The following MYH8 variants were observed in gnomAD, a reference collection of about 807,000 sequenced individuals.
The protein encoded by MYH8 is myosin-8.
Under a neutral mutation model 233.2 loss-of-function variants are expected in MYH8, and 168 were observed. That is an observed-to-expected ratio of 0.72 (90% CI 0.64 to 0.82). The LOEUF is 0.82. Ranked by LOEUF, MYH8 falls within the 40% of genes least tolerant of loss-of-function variation. The pLI, the probability that MYH8 is intolerant of heterozygous loss-of-function variation, is 0.00. For synonymous variants in MYH8, 785 were observed against 850.6 expected (o/e 0.92, Z 1.34); for missense variants, 1,995 against 2,327.8 (o/e 0.86, Z 2.94).
At position 10,398,508 on chromosome 17, in the gene MYH8, C is replaced by T. The variant is rs1376516976; in HGVS notation, c.4114G>A (p.Ala1372Thr). 6.2e-7 allele frequency: 1 copy of T among 1,613,988 alleles called. No individual in the cohort carries two copies. The change falls in exon 30 of 40, where the codon GCC becomes ACC. Residue 1372 changes from alanine (A) to threonine (T), a missense_variant. Ala to Thr is a moderately conservative substitution (Grantham distance 58). Coordinates refer to ENST00000403437, the MANE Select transcript of MYH8 (RefSeq NM_002472.3). ...GTCTCGTATTTGGTTCTCCACTGGG[C>T]AACCTCACTGTTGGCCTTGGACAGC... Reference protein sequence around the residue: ...RALSKANSEVAQWRTKYETDA... With the variant: ...RALSKANSEVTQWRTKYETDA...
chr17:10,410,823 A>G lies in MYH8; in HGVS notation c.1541T>C (p.Ile514Thr). ...GGCAGCCAGGTCCATCCCAAAGTCA[A>G]TGAACGTCCACTCGATGCCTTCCTT... ...YKKEGIEWTF[I>T]DFGMDLAACI... Residue 514 changes from isoleucine (I) to threonine (T), a missense_variant, in exon 15 of 40, where the codon ATT (isoleucine) becomes ACT (threonine). This residue lies in a region of MYH8 where 18 missense variants were observed against 46.1 expected (regional missense o/e 0.39). Transcript: ENST00000403437. The G allele has an allele frequency of 6.2e-7, 1 of 1,613,942 alleles. No individual in the cohort carries two copies. The highest frequency in any genetic ancestry group is 8.5e-7 in the Non-Finnish European group (1 of 1,179,918).
At chr17:10,401,522 A>G (rs1343781697) in intron 23 of MYH8, 21 bp downstream of exon 23, 3 of 1,614,180 alleles carry the variant, frequency 1.9e-6, no homozygotes, top group Non-Finnish European at 2.5e-6. Context: ...TCTATACAGT[A>G]TTGTAAAATA....
chr17:10,406,547 G>T, intron 19 of MYH8, 143 bp downstream of exon 19: 1 of 1,379,494 alleles, frequency 7.2e-7, no homozygotes, highest in Non-Finnish European at 1.0e-6. Context: ...AAAACAATAT[G>T]ATTTTCTGTT....
intron 39 of MYH8, 45 bp from the exon 40 acceptor site, chr17:10,390,648 C>T: frequency 6.9e-6 from 11 of 1,598,096 alleles, no homozygotes; most frequent in Non-Finnish European, 9.4e-6. Context: ...GTGTGGTTCT[C>T]ATTGCACTTA....
chr17:10,393,270 A>G, intron 35 of MYH8, 60 bp from the exon 36 acceptor site: 1 of 1,607,970 alleles, frequency 6.2e-7, no homozygotes, highest in Admixed American at 1.7e-5. Context: ...GGGATTTTAC[A>G]AGTGTCTTAC....
intron 30 of MYH8, 80 bp from the exon 31 acceptor site, chr17:10,397,066 C>G: frequency 6.8e-7 from 1 of 1,460,726 alleles, no homozygotes; most frequent in African/African-American, 1.4e-5. Context: ...TTTTCACAGT[C>G]CTATTTCTTT....
At chr17:10,411,144 C>T (rs1300753779) in intron 14 of MYH8, among the ~76,000 whole-genome samples, 197 bp from the exon 15 acceptor site, 13 of 151,938 alleles carry the variant, frequency 8.6e-5, no homozygotes, top group African/African-American at 4.8e-5. Flanking sequence ...TGGGAGGCCG[C>T]GGTGGGTGGA....
Position 10,401,436 on chromosome 17 carries a change from C to T in MYH8, c.2947G>A (p.Glu983Lys). The change falls in exon 24 of 40, where the codon GAA (glutamate) becomes AAA (lysine). Residue 983 changes from glutamate to lysine, a missense_variant. Glu to Lys is a moderately conservative substitution (Grantham distance 56). This residue lies in a region of MYH8 where 1,498 missense variants were observed against 1,680.9 expected (regional missense o/e 0.89). Transcript: ENST00000403437. Reference protein sequence around the residue: ...ATENKVKNLTEEMAGLDETIA... With the variant: ...ATENKVKNLTKEMAGLDETIA... ...GTTTCATCCAGGCCTGCCATCTCTT[C>T]TGTAAGATTTTTCACCTACAAAGGT... 6.2e-7 allele frequency: 1 copy of T among 1,613,990 alleles called. No individual in the cohort carries two copies. The highest frequency in any genetic ancestry group is 8.5e-7 in the Non-Finnish European group (1 of 1,180,024).
chr17:10,391,735 G>A (rs1160999981), intron 39 of MYH8, 147 bp downstream of exon 39: 32 of 710,620 alleles, frequency 4.5e-5, no homozygotes, highest in African/African-American at 7.1e-5. Context: ...TGGATTTGGC[G>A]GGACAAATTC....
In MYH8 at chr17:10,415,833, T is replaced by C. The variant is rs1029486110; in HGVS notation, c.512-125A>G. ...TGAAGATGTCACCTTTGGTTTTGAT[T>C]TTGTGTTTATCCTCCAAAATAGCCA... On this transcript the variant is annotated intron_variant, in intron 5 of 39. Coordinates refer to ENST00000403437, the MANE Select transcript of MYH8 (RefSeq NM_002472.3). The surrounding 1 kb of genome is among the most constrained non-coding windows in gnomAD (Gnocchi z 4.1). 5 of 1,106,992 alleles carry C rather than the reference T, an allele frequency of 4.5e-6. No homozygotes were observed. The Admixed American group carries it at 1.0e-4, about 23-fold the overall frequency. 68.6% of individuals were successfully genotyped at this position (1,106,992 alleles called of 1,614,324 possible). A position where few individuals can be genotyped will look rare whatever the true frequency, so the allele number is the denominator to read the frequency against.
Position 10,396,232 on chromosome 17 carries a change from C to A in MYH8, c.4653+98G>T. 7.0e-7 allele frequency: 1 copy of A among 1,421,514 alleles called. No homozygotes were observed. The highest frequency in any genetic ancestry group is 9.7e-7 in the Non-Finnish European group (1 of 1,029,110). 88.1% of individuals were successfully genotyped at this position (1,421,514 alleles called of 1,614,324 possible). ...TGATAACTATTGCCAAGTTGTCCTT[C>A]ATAAAGATCCTGTGAGTTTAAATTA... On this transcript the variant is annotated intron_variant, in intron 33 of 39. Transcript: ENST00000403437. The surrounding 1 kb of genome is among the most constrained non-coding windows in gnomAD (Gnocchi z 4.2).
chr17:10,394,147 A>G, intron 35 of MYH8, 102 bp downstream of exon 35: 2 of 1,450,496 alleles, frequency 1.4e-6, no homozygotes, highest in Non-Finnish European at 1.9e-6. Context: ...TCCCCCATCC[A>G]TGTTTACATA....
intron 30 of MYH8, among the ~76,000 whole-genome samples, chr17:10,397,645 A>G (rs1047431497): frequency 6.6e-6 from 1 of 152,216 alleles, no homozygotes; most frequent in African/African-American, 2.4e-5. Context: ...AGCCAGGACA[A>G]TCTTGTTGTT....
chr17:10,390,751 TC>T (rs1201913175), intron 39 of MYH8, 148 bp from the exon 40 acceptor site: 3 of 931,462 alleles, frequency 3.2e-6, no homozygotes, highest in Non-Finnish European at 4.9e-6. Flanking sequence ...GTTTATAACT[TC>T]AACTACAATT....
rs2072283125 is a variant in MYH8 at position 10,415,585 on chromosome 17, C to G, written c.540-5G>C. On this transcript the variant is annotated splice_region_variant and splice_polypyrimidine_tract_variant and intron_variant, in intron 6 of 39. Coordinates refer to ENST00000403437, the MANE Select transcript of MYH8 (RefSeq NM_002472.3). This position sits in a 1 kb window ranked among gnomAD's most constrained non-coding sequence, Gnocchi z 4.1. The stretch of plus-strand genomic sequence containing the variant: ...TTTCCGGCACCAGATTCTCCGCTGT[C>G]AAACAGAAATCAGAGAAGAGATCAG... The G allele has an allele frequency of 1.2e-6, 2 of 1,614,108 alleles. No individual in the cohort carries two copies. Among genetic ancestry groups the G allele is most frequent in the East Asian group, 4.5e-5 (2 of 44,884 alleles).
At chr17:10,414,079 G>A in intron 11 of MYH8, 39 bp from the exon 12 acceptor site, 1 of 1,613,360 alleles carries the variant, frequency 6.2e-7, no homozygotes, top group Non-Finnish European at 8.5e-7. Flanking sequence ...TAGGGCTGAA[G>A]AGACTAACTT....
intron 14 of MYH8, among the ~76,000 whole-genome samples, chr17:10,411,607 ACCACTC>A (rs921425201): frequency 6.6e-6 from 1 of 152,166 alleles, no homozygotes; most frequent in African/African-American, 2.4e-5. Context: ...CACTTCTTTC[ACCACTC>A]CCACTCTCCA....
intron 22 of MYH8, among the ~76,000 whole-genome samples, chr17:10,402,685 T>C (rs2072154880): frequency 6.6e-6 from 1 of 152,128 alleles, no homozygotes; most frequent in South Asian, 2.1e-4. Context: ...GCAGATATCA[T>C]ATTTTAGCAT....
In MYH8 at chr17:10,415,768, A is replaced by C. The variant is rs539762180; in HGVS notation, c.512-60T>G. ...GCATATTTAATATGAAGAGTATTGA[A>C]TCAGTTCAGATCAAACACAGCTTGT... On this transcript the variant is annotated intron_variant, in intron 5 of 39. Transcript: ENST00000403437. This position sits in a 1 kb window ranked among gnomAD's most constrained non-coding sequence, Gnocchi z 4.1. 35 of 1,529,198 alleles carry C rather than the reference A, an allele frequency of 2.3e-5. 1 individual carries two copies. In the South Asian group the frequency reaches 3.9e-4, roughly 17 times the overall value. The allele number at this position is 1,529,198 out of a possible 1,614,324, so 94.7% of individuals were successfully genotyped here. A position where few individuals can be genotyped will look rare whatever the true frequency, so the allele number is the denominator to read the frequency against.
Sources: gnomAD v4.1 joint callset for allele counts (sites outside exome capture counted in the v4.1 genomes callset) on GRCh38, gnomAD v4.1.1 for gene constraint, gnomAD v4.1.1 regional missense constraint, Gnocchi (gnomAD v3.1) non-coding constraint, MANE v1.5 for transcripts, NCBI Gene and HGNC (gene_info 2026-07-23, HGNC 2026-07-21) for gene names.